COL25A1: variants seen among roughly 807,000 people sequenced by gnomAD.
The protein encoded by COL25A1 is collagen type XXV alpha 1 chain.
In COL25A1, 103 loss-of-function variants were observed where a neutral mutation model predicts 128.4. The ratio of observed to expected loss-of-function variants is 0.80; its 90% confidence interval spans 0.68 to 0.94. The LOEUF is 0.94. Among genes scored for constraint, COL25A1 ranks in the 40% least tolerant of loss-of-function variants. The pLI, the probability that COL25A1 is intolerant of heterozygous loss-of-function variation, is 0.00. For synonymous variants in COL25A1, 279 were observed against 277.2 expected (o/e 1.01, Z -0.06); for missense variants, 745 against 840.0 (o/e 0.89, Z 1.40).
At chr4:109,021,459 T>C (rs1412386434) in intron 5 of COL25A1, among the ~76,000 whole-genome samples, 4 of 152,212 alleles carry the variant, frequency 2.6e-5, no homozygotes, top group Admixed American at 6.5e-5. Context: ...TTAATCCTGT[T>C]ATCTCTGTAA....
At chr4:109,155,379 C>A (rs565365724) in intron 3 of COL25A1, among the ~76,000 whole-genome samples, 40 of 152,272 alleles carry the variant, frequency 2.6e-4, no homozygotes, top group Middle Eastern at 3.4e-3. Flanking sequence ...ACTTCTTGGG[C>A]TTTAAAACAA....
chr4:108,972,657 A>C (rs1752035300), intron 8 of COL25A1, among the ~76,000 whole-genome samples: 1 of 152,198 alleles, frequency 6.6e-6, no homozygotes. Context: ...AAAGCAAAAT[A>C]CAGAGGAAAA....
chr4:108,835,470 C>T (rs957260185), intron 31 of COL25A1, among the ~76,000 whole-genome samples: 2 of 152,048 alleles, frequency 1.3e-5, no homozygotes, highest in East Asian at 1.9e-4. Context: ...TGATGTTATT[C>T]TACATACATT....
intron 3 of COL25A1, among the ~76,000 whole-genome samples, chr4:109,295,802 T>G (rs1724918244): frequency 6.6e-6 from 1 of 152,098 alleles, no homozygotes; most frequent in Non-Finnish European, 1.5e-5. Flanking sequence ...TTATGAATCT[T>G]GCTTGCCTAT....
intron 20 of COL25A1, among the ~76,000 whole-genome samples, chr4:108,865,224 T>C (rs985060797): frequency 6.6e-6 from 1 of 152,198 alleles, no homozygotes; most frequent in African/African-American, 2.4e-5. Flanking sequence ...AGAGGTGCTC[T>C]CCTCACTGAA....
At chr4:109,104,203 T>C (rs1766175218) in intron 3 of COL25A1, among the ~76,000 whole-genome samples, 1 of 151,852 alleles carries the variant, frequency 6.6e-6, no homozygotes, top group South Asian at 2.1e-4. Flanking sequence ...TGAGACCCTG[T>C]CTCATTAAAA....
At chr4:109,301,354 A>C (rs907919331) in intron 2 of COL25A1, among the ~76,000 whole-genome samples, 4 of 152,214 alleles carry the variant, frequency 2.6e-5, no homozygotes, top group Admixed American at 2.6e-4. Context: ...TAACCATCTT[A>C]CAACATGTAA....
At chr4:109,026,135 C>CACACACACAT (rs777392221) in intron 5 of COL25A1, among the ~76,000 whole-genome samples, 3 of 150,690 alleles carry the variant, frequency 2.0e-5, no homozygotes, top group African/African-American at 7.3e-5. Flanking sequence ...CACACACACA[C>CACACACACAT]ATATACTCTT....
At chr4:109,070,214 T>C (rs1285918386) in intron 3 of COL25A1, among the ~76,000 whole-genome samples, 1 of 151,508 alleles carries the variant, frequency 6.6e-6, no homozygotes, top group African/African-American at 2.4e-5. Context: ...GTCGAGATCA[T>C]TCCAGCCTGG....
intron 5 of COL25A1, among the ~76,000 whole-genome samples, chr4:109,033,083 A>G (rs1344347607): frequency 6.6e-6 from 1 of 152,234 alleles, no homozygotes; most frequent in African/African-American, 2.4e-5. Flanking sequence ...AAGTCTGCTA[A>G]AGCAATCTTT....
At chr4:109,081,367 C>T (rs6832515) in intron 3 of COL25A1, among the ~76,000 whole-genome samples, 35,052 of 151,908 alleles carry the variant, frequency 0.23, 5,205 homozygotes, top group African/African-American at 0.4. Flanking sequence ...ATTCCAGTTG[C>T]TTTCATTTTT....
At position 108,809,284 on chromosome 4, in the gene COL25A1, CAAAT is replaced by C. The variant is rs1730615831; in HGVS notation, c.*4639_*4642del. On this transcript the variant is annotated 3_prime_UTR_variant, in exon 38 of 38. Transcript: ENST00000399132. ...GATGAACTTTAAAATGTAAAAAATA[CAAAT>C]AAAAATATAATATTTTCTAAAGAAA... The C allele has an allele frequency of 6.6e-6, 1 of 151,634 alleles. No individual in the cohort carries two copies. The highest frequency in any genetic ancestry group is 1.5e-5 in the Non-Finnish European group (1 of 67,868). The allele number at this position is 151,634 out of a possible 1,614,324, so 9.4% of individuals were successfully genotyped here. A position where few individuals can be genotyped will look rare whatever the true frequency, so the allele number is the denominator to read the frequency against.
At chr4:108,880,278 T>A (rs1371893060) in intron 19 of COL25A1, among the ~76,000 whole-genome samples, 2 of 152,224 alleles carry the variant, frequency 1.3e-5, no homozygotes, top group African/African-American at 4.8e-5. Context: ...TGGTTCTTCA[T>A]CCTTTGTTCC....
chr4:108,889,773 G>A (rs1741273635), intron 16 of COL25A1, 40 bp from the exon 17 acceptor site: 9 of 1,589,366 alleles, frequency 5.7e-6, no homozygotes, highest in Admixed American at 1.7e-5. Context: ...ACAAGTTATG[G>A]GAATAGGAAA....
At position 108,918,923 on chromosome 4, in the gene COL25A1, G is replaced by A. The variant is rs80286260; in HGVS notation, c.736-707C>T. Reference sequence around the variant, plus strand: ...GATGGGTGAGCTGGAGAATAAGAAAGCTAATTATTACCTGAGAAAATCTAT... The same window carrying A: ...GATGGGTGAGCTGGAGAATAAGAAAACTAATTATTACCTGAGAAAATCTAT... On this transcript the variant is annotated intron_variant, in intron 12 of 37. Transcript: ENST00000399132. Among the ~76,000 whole-genome samples, 148 of 152,296 alleles carry A rather than the reference G, an allele frequency of 9.7e-4. 4 individuals are homozygous for A. The East Asian group carries it at 0.025, about 26-fold the overall frequency.
intron 3 of COL25A1, among the ~76,000 whole-genome samples, chr4:109,171,494 T>C (rs1371329393): frequency 6.6e-6 from 1 of 152,132 alleles, no homozygotes; most frequent in East Asian, 1.9e-4. Flanking sequence ...GCTTAAACCA[T>C]CCAGATTATG....
At chr4:108,859,831 A>G (rs1223361545) in intron 23 of COL25A1, 98 bp from the exon 24 acceptor site, 1 of 784,372 alleles carries the variant, frequency 1.3e-6, no homozygotes, top group Admixed American at 2.4e-5. Flanking sequence ...CTCTCTCTGA[A>G]TATCATTTCC....
intron 6 of COL25A1, among the ~76,000 whole-genome samples, chr4:109,005,941 T>C (rs1755922128): frequency 6.6e-6 from 1 of 152,068 alleles, no homozygotes; most frequent in Admixed American, 6.6e-5. Flanking sequence ...AAAAAACAAA[T>C]TTTGACATTT....
At chr4:109,105,261 G>A (rs1206345142) in intron 3 of COL25A1, among the ~76,000 whole-genome samples, 8 of 152,132 alleles carry the variant, frequency 5.3e-5, no homozygotes, top group Non-Finnish European at 1.0e-4. Context: ...ATCACTTGAG[G>A]TCAGGAGTTC....
Sources: allele counts gnomAD v4.1 joint callset (sites outside exome capture counted in the v4.1 genomes callset), GRCh38; gene constraint gnomAD v4.1.1; transcripts MANE v1.5; gene names NCBI Gene and HGNC (gene_info 2026-07-23, HGNC 2026-07-21).